Variants in PPFIA1 observed in about 807,000 individuals in gnomAD.
PPFIA1 encodes PPFI scaffold protein A1, also known as liprin-alpha-1.
In PPFIA1, 25 loss-of-function variants were observed where a neutral mutation model predicts 149.9. The ratio of observed to expected loss-of-function variants is 0.17; its 90% confidence interval spans 0.12 to 0.23. The LOEUF (loss-of-function observed/expected upper bound fraction) is 0.23, where lower values mean the gene tolerates loss of function less well. PPFIA1 is among the 10% of genes least tolerant of loss of function. PPFIA1 has a pLI of 1.00. For missense variants in PPFIA1, 1,362 were observed against 1,506.5 expected, an observed-to-expected ratio of 0.90 and a Z score of 1.59; for synonymous variants, 549 against 552.8, an observed-to-expected ratio of 0.99 and a Z score of 0.10.
At chr11:70,337,902 AC>A (rs2055081257) in intron 12 of PPFIA1, among the ~76,000 whole-genome samples, 1 of 152,192 alleles carries the variant, frequency 6.6e-6, no homozygotes, top group Non-Finnish European at 1.5e-5. Context: ...ATTTAGACTA[AC>A]CCATTACAGG....
chr11:70,380,526 A>G (rs972225095), intron 26 of PPFIA1, among the ~76,000 whole-genome samples: 1 of 152,032 alleles, frequency 6.6e-6, no homozygotes, highest in African/African-American at 2.4e-5. Context: ...GTGGTGAGCC[A>G]AGATCACACC....
At chr11:70,332,929 G>T in intron 9 of PPFIA1, 1 of 427,038 alleles carries the variant, frequency 2.3e-6, no homozygotes, top group Non-Finnish European at 4.8e-6. Flanking sequence ...GCTAACAGCT[G>T]TAAGAACCTA....
chr11:70,361,279 A>C (rs2056629200), intron 19 of PPFIA1, among the ~76,000 whole-genome samples: 1 of 152,208 alleles, frequency 6.6e-6, no homozygotes, highest in South Asian at 2.1e-4. Context: ...TGAATACCAA[A>C]ATCCATGGAA....
intron 14 of PPFIA1, among the ~76,000 whole-genome samples, chr11:70,342,693 G>A (rs536621379): frequency 6.6e-6 from 1 of 152,278 alleles, no homozygotes; most frequent in South Asian, 2.1e-4. Flanking sequence ...AGTGAACTCA[G>A]TTGATATGGA....
At chr11:70,319,530 T>C (rs144017899) in intron 2 of PPFIA1, among the ~76,000 whole-genome samples, 49 of 152,328 alleles carry the variant, frequency 3.2e-4, no homozygotes, top group African/African-American at 1.2e-3. Flanking sequence ...AGTCTTAATC[T>C]CCTCCAGCCC....
chr11:70,331,913 C>G, intron 8 of PPFIA1, 47 bp from the exon 9 acceptor site: 5 of 1,567,688 alleles, frequency 3.2e-6, no homozygotes, highest in Non-Finnish European at 4.3e-6. Context: ...AAAAACTGAT[C>G]AGCTAGAAGA....
At chr11:70,372,180 C>T in intron 21 of PPFIA1, 35 bp from the exon 22 acceptor site, 1 of 1,565,862 alleles carries the variant, frequency 6.4e-7, no homozygotes, top group Non-Finnish European at 8.6e-7. Flanking sequence ...TTGAGACTTC[C>T]TCTGTAACTG....
At position 70,383,292 on chromosome 11, in the gene PPFIA1, C is replaced by T; in HGVS notation, c.*302C>T. ...ATCCTTTCAAATCATGTTCTTATACCTAATTTTAGTCTTTCAAATGAATGT... is the reference window on the plus strand; with the variant it reads ...ATCCTTTCAAATCATGTTCTTATACTTAATTTTAGTCTTTCAAATGAATGT... On this transcript the variant is annotated 3_prime_UTR_variant, in exon 28 of 28. Coordinates refer to ENST00000253925, the MANE Select transcript of PPFIA1 (RefSeq NM_003626.5). 4.0e-6 allele frequency: 1 copy of T among 251,154 alleles called. No individual in the cohort carries two copies. Among genetic ancestry groups the T allele is most frequent in the Non-Finnish European group, 7.6e-6 (1 of 131,496 alleles). 15.6% of individuals were successfully genotyped at this position (251,154 alleles called of 1,614,324 possible).
At chr11:70,273,688 C>T (rs769816703) in intron 2 of PPFIA1, among the ~76,000 whole-genome samples, 2 of 152,134 alleles carry the variant, frequency 1.3e-5, no homozygotes, top group Non-Finnish European at 2.9e-5. Context: ...GACGTTAGCG[C>T]TCTATGTTCC....
At position 70,362,117 on chromosome 11, in the gene PPFIA1, C is replaced by G. The variant is rs201951162; in HGVS notation, c.2605C>G (p.Arg869Gly). The change falls in exon 20 of 28, where the codon CGG (arginine) becomes GGG (glycine). Residue 869 changes from arginine to glycine, a missense_variant. Transcript: ENST00000253925. The part of the protein sequence containing the change: ...QKKHELLEEA[R>G]RQGLPFAQWD... The stretch of plus-strand genomic sequence containing the variant: ...TAGGCATGAATTGCTGGAGGAAGCC[C>G]GGAGACAAGGTTTACCTTTTGCCCA... 5.4e-5 allele frequency: 87 copies of G among 1,613,976 alleles called. No individual in the cohort carries two copies. Among genetic ancestry groups the G allele is most frequent in the Non-Finnish European group, 7.0e-5 (83 of 1,180,006 alleles).
chr11:70,304,695 C>T (rs1029975403), intron 2 of PPFIA1, among the ~76,000 whole-genome samples: 2 of 152,132 alleles, frequency 1.3e-5, no homozygotes, highest in African/African-American at 4.8e-5. Context: ...GATTGATACA[C>T]TCTCCAGCTG....
intron 2 of PPFIA1, among the ~76,000 whole-genome samples, chr11:70,286,174 A>G (rs924107675): frequency 6.6e-6 from 1 of 152,084 alleles, no homozygotes; most frequent in African/African-American, 2.4e-5. Context: ...CTTAAATTCA[A>G]TATTGGCTCA....
At chr11:70,314,123 G>T (rs2053453084) in intron 2 of PPFIA1, among the ~76,000 whole-genome samples, 1 of 152,228 alleles carries the variant, frequency 6.6e-6, no homozygotes, top group African/African-American at 2.4e-5. Flanking sequence ...GTGAGCAGCA[G>T]ACCGGAAATG....
chr11:70,365,946 T>C (rs1240647277), intron 21 of PPFIA1: 1 of 456,668 alleles, frequency 2.2e-6, no homozygotes, highest in Admixed American at 2.4e-5. Flanking sequence ...CCCAGGAAGA[T>C]GAGGAGGGAA....
chr11:70,323,756 C>G (rs1304686449), intron 2 of PPFIA1, among the ~76,000 whole-genome samples: 2 of 152,204 alleles, frequency 1.3e-5, no homozygotes, highest in African/African-American at 4.8e-5. Flanking sequence ...AGTGGAGCTT[C>G]TTGTGCTGTC....
At chr11:70,277,842 T>C (rs2050507382) in intron 2 of PPFIA1, among the ~76,000 whole-genome samples, 1 of 152,254 alleles carries the variant, frequency 6.6e-6, no homozygotes, top group East Asian at 1.9e-4. Context: ...AGTTCATATC[T>C]GTGGATAATG....
chr11:70,361,815 G>T (rs1224846080), intron 19 of PPFIA1, among the ~76,000 whole-genome samples: 2 of 148,808 alleles, frequency 1.3e-5, no homozygotes, highest in African/African-American at 5.0e-5. Flanking sequence ...TTGTAGAGAT[G>T]CATCTCATTA....
rs957513654 is a variant in PPFIA1 at position 70,346,234 on chromosome 11, G to A, written c.1932-1955G>A. On this transcript the variant is annotated intron_variant, in intron 15 of 27. Coordinates refer to ENST00000253925, the MANE Select transcript of PPFIA1 (RefSeq NM_003626.5). ...ATCTACCCTCGGGCCCTGGCCTGAC[G>A]TGCTGCTTGGCTAGCCTGAATCCAA... 3.3e-5 allele frequency among the ~76,000 whole-genome samples: 5 copies of A among 152,146 alleles called. No homozygotes were observed. The South Asian group carries it at 8.3e-4, about 25-fold the overall frequency.
intron 21 of PPFIA1, 67 bp downstream of exon 21, chr11:70,362,555 CT>C: frequency 6.8e-7 from 1 of 1,460,222 alleles, no homozygotes; most frequent in Non-Finnish European, 9.2e-7. Context: ...TATCACTGCC[CT>C]GTTTACATTG....
Sources: gnomAD v4.1 joint callset for allele counts (sites outside exome capture counted in the v4.1 genomes callset) on GRCh38, gnomAD v4.1.1 for gene constraint, MANE v1.5 for transcripts, NCBI Gene and HGNC (gene_info 2026-07-23, HGNC 2026-07-21) for gene names.